Variants in SCAI observed in about 807,000 individuals in gnomAD.
SCAI encodes protein SCAI.
Under a neutral mutation model 92.2 loss-of-function variants are expected in SCAI, and 24 were observed. The ratio of observed to expected loss-of-function variants is 0.26; its 90% confidence interval spans 0.19 to 0.37. The LOEUF is 0.37. SCAI is among the 10% of genes least tolerant of loss of function. SCAI has a pLI of 1.00. For missense variants in SCAI, 450 were observed against 736.2 expected (o/e 0.61, Z 4.50); for synonymous variants, 261 against 258.6 (o/e 1.01, Z -0.09).
intron 14 of SCAI, among the ~76,000 whole-genome samples, chr9:124,991,351 C>CAAAAAAAAAAAAA (rs34976572): frequency 2.5e-5 from 1 of 40,230 alleles, no homozygotes; most frequent in Non-Finnish European, 3.9e-5. Flanking sequence ...AACTCCGTCT[C>CAAAAAAAAAAAAA]AAAAAAAAAA....
At chr9:125,065,938 T>A (rs2131153224) in intron 2 of SCAI, 1 of 735,684 alleles carries the variant, frequency 1.4e-6, no homozygotes, top group East Asian at 2.5e-5. Context: ...GAAAGGGAGC[T>A]TCATTAATTT....
At chr9:125,078,382 G>A (rs1321232117) in intron 2 of SCAI, among the ~76,000 whole-genome samples, 2 of 151,910 alleles carry the variant, frequency 1.3e-5, no homozygotes, top group African/African-American at 4.8e-5. Flanking sequence ...CAAAAAATTA[G>A]CCAGGCATGG....
chr9:125,124,599 T>C (rs927551440), intron 2 of SCAI, among the ~76,000 whole-genome samples: 6 of 152,234 alleles, frequency 3.9e-5, no homozygotes, highest in African/African-American at 1.4e-4. Flanking sequence ...GGTCTTCAAA[T>C]GATTGGATGA....
intron 14 of SCAI, among the ~76,000 whole-genome samples, chr9:124,980,382 A>C (rs1327816885): frequency 1.3e-5 from 2 of 152,010 alleles, no homozygotes; most frequent in Non-Finnish European, 2.9e-5. Context: ...CATCCTTCGA[A>C]AGTTTTGCTT....
intron 13 of SCAI, among the ~76,000 whole-genome samples, chr9:124,999,630 T>C (rs1832317019): frequency 6.6e-6 from 1 of 152,210 alleles, no homozygotes; most frequent in South Asian, 2.1e-4. Context: ...AATGCAATTT[T>C]GTTCACTGAC....
chr9:125,098,793 T>C (rs764964840), intron 2 of SCAI, among the ~76,000 whole-genome samples: 2 of 152,238 alleles, frequency 1.3e-5, no homozygotes, highest in African/African-American at 2.4e-5. Context: ...ACAGCTATTA[T>C]GCCAAAAGCA....
intron 17 of SCAI, among the ~76,000 whole-genome samples, chr9:124,969,249 GCA>G (rs1034829550): frequency 2.0e-4 from 31 of 152,068 alleles, no homozygotes; most frequent in African/African-American, 6.8e-4. Flanking sequence ...CTGGCCCATT[GCA>G]CAGTTCTTTT....
chr9:125,059,979 C>T (rs1833741146), intron 2 of SCAI, among the ~76,000 whole-genome samples: 1 of 152,210 alleles, frequency 6.6e-6, no homozygotes, highest in South Asian at 2.1e-4. Flanking sequence ...CAAACGACAA[C>T]TTTTCTGTAA....
At chr9:125,084,939 A>T (rs551443461) in intron 2 of SCAI, among the ~76,000 whole-genome samples, 1 of 152,312 alleles carries the variant, frequency 6.6e-6, no homozygotes, top group African/African-American at 2.4e-5. Flanking sequence ...CCAGGTCCCA[A>T]TTGTTCCATT....
intron 17 of SCAI, among the ~76,000 whole-genome samples, chr9:124,956,931 A>G (rs979087251): frequency 3.3e-5 from 5 of 152,168 alleles, no homozygotes; most frequent in Admixed American, 2.0e-4. Flanking sequence ...AGGAACATGT[A>G]AAAAAGCTAA....
intron 9 of SCAI, among the ~76,000 whole-genome samples, chr9:125,014,064 G>A (rs1351808012): frequency 3.9e-5 from 6 of 151,982 alleles, no homozygotes; most frequent in Admixed American, 1.3e-4. Context: ...CAAACCCACA[G>A]CCAATATCAT....
At chr9:125,047,108 C>T (rs1418623996) in intron 3 of SCAI, among the ~76,000 whole-genome samples, 4 of 152,172 alleles carry the variant, frequency 2.6e-5, no homozygotes. Flanking sequence ...GTACATTCAA[C>T]CTCTAACTCC....
At chr9:125,029,570 G>T (rs1833031021) in intron 4 of SCAI, 74 bp downstream of exon 4, 1 of 766,762 alleles carries the variant, frequency 1.3e-6, no homozygotes, top group Non-Finnish European at 2.1e-6. Flanking sequence ...AAAAAGCACT[G>T]AAGTAGTGAA....
At chr9:124,988,849 A>G (rs1050922491) in intron 14 of SCAI, among the ~76,000 whole-genome samples, 1 of 152,202 alleles carries the variant, frequency 6.6e-6, no homozygotes, top group Non-Finnish European at 1.5e-5. Flanking sequence ...TTAAAAGTAA[A>G]TCCAGACCAG....
intron 2 of SCAI, among the ~76,000 whole-genome samples, chr9:125,069,727 A>C (rs1833943623): frequency 6.8e-6 from 1 of 147,572 alleles, no homozygotes; most frequent in Admixed American, 6.9e-5. Flanking sequence ...GGGTTCAAGC[A>C]ATTCTCTGCC....
chr9:124,986,222 C>T (rs1275193617), intron 14 of SCAI, among the ~76,000 whole-genome samples: 6 of 151,980 alleles, frequency 3.9e-5, no homozygotes, highest in African/African-American at 1.2e-4. Context: ...ACCCGGGAGG[C>T]GGAGATTGCA....
At chr9:125,008,727 C>T (rs1445299574) in intron 9 of SCAI, among the ~76,000 whole-genome samples, 1 of 152,082 alleles carries the variant, frequency 6.6e-6, no homozygotes, top group Non-Finnish European at 1.5e-5. Context: ...GTGAACGGGT[C>T]TACAAACATG....
At chr9:125,093,686 C>A (rs1373892024) in intron 2 of SCAI, among the ~76,000 whole-genome samples, 1 of 151,810 alleles carries the variant, frequency 6.6e-6, no homozygotes, top group African/African-American at 2.4e-5. Context: ...CTGCCTCAGC[C>A]TCCCGAGTAG....
At position 125,125,136 on chromosome 9, in the gene SCAI, G is replaced by A. The variant is rs183314703; in HGVS notation, c.98+17497C>T. Among the ~76,000 whole-genome samples, 48 of 152,226 alleles carry A rather than the reference G, an allele frequency of 3.2e-4. No individual in the cohort carries two copies. The East Asian group carries it at 6.4e-3, about 20-fold the overall frequency. ...CTCAGGAGGCTGAGGCAGGAGAATC[G>A]CTTAAATCCGGGAGGTGGAAGTTGC... On this transcript the variant is annotated intron_variant, in intron 2 of 17. Transcript: ENST00000336505.
Sources: allele counts gnomAD v4.1 joint callset (sites outside exome capture counted in the v4.1 genomes callset), GRCh38; gene constraint gnomAD v4.1.1; transcripts MANE v1.5; gene names NCBI Gene and HGNC (gene_info 2026-07-23, HGNC 2026-07-21).